ADAMTSL1: variants seen among roughly 807,000 people sequenced by gnomAD.
ADAMTSL1 encodes the protein ADAMTS-like protein 1.
Under a neutral mutation model 201.8 loss-of-function variants are expected in ADAMTSL1, and 126 were observed. The ratio of observed to expected loss-of-function variants is 0.62; its 90% confidence interval spans 0.54 to 0.72. The LOEUF (loss-of-function observed/expected upper bound fraction) is 0.72. Among genes scored for constraint, ADAMTSL1 ranks in the 30% least tolerant of loss-of-function variants. ADAMTSL1 has a pLI of 0.00. For missense variants in ADAMTSL1, 2,679 were observed against 2,277.8 expected, an observed-to-expected ratio of 1.18 and a Z score of -3.59; for synonymous variants, 1,121 against 903.4, an observed-to-expected ratio of 1.24 and a Z score of -4.32.
At chr9:18,875,813 T>C (rs939811973) in intron 23 of ADAMTSL1, among the ~76,000 whole-genome samples, 3 of 152,214 alleles carry the variant, frequency 2.0e-5, no homozygotes, top group African/African-American at 7.2e-5. Flanking sequence ...GTTGACTGTC[T>C]TGATGACCTG....
At chr9:18,287,603 A>AAGTATATATGTG (rs2132660601) in intron 2 of ADAMTSL1, among the ~76,000 whole-genome samples, 1 of 73,842 alleles carries the variant, frequency 1.4e-5, no homozygotes, top group South Asian at 7.6e-4. Flanking sequence ...ACACACATAT[A>AAGTATATATGTG]TGCATATATG....
At chr9:18,540,125 T>C (rs1284377854) in intron 3 of ADAMTSL1, among the ~76,000 whole-genome samples, 1 of 152,132 alleles carries the variant, frequency 6.6e-6, no homozygotes, top group Non-Finnish European at 1.5e-5. Context: ...GGAGAGTTAG[T>C]TTTCTGAAAA....
chr9:18,688,413 C>G (rs183739169), intron 13 of ADAMTSL1, among the ~76,000 whole-genome samples: 1 of 151,230 alleles, frequency 6.6e-6, no homozygotes, highest in African/African-American at 2.4e-5. Context: ...CAGGCATGAG[C>G]CACCACACCC....
intron 1 of ADAMTSL1, among the ~76,000 whole-genome samples, chr9:17,965,631 TAA>T (rs1450893976): frequency 1.3e-5 from 2 of 152,190 alleles, no homozygotes; most frequent in Non-Finnish European, 2.9e-5. Context: ...TCATACATGA[TAA>T]ATTGGGATAT....
chr9:18,379,224 A>G (rs1837440568), intron 2 of ADAMTSL1, among the ~76,000 whole-genome samples: 1 of 152,222 alleles, frequency 6.6e-6, no homozygotes, highest in South Asian at 2.1e-4. Flanking sequence ...ACTCATGCTA[A>G]ACGCCACATC....
chr9:18,897,291 C>T (rs1170882748), intron 26 of ADAMTSL1, among the ~76,000 whole-genome samples: 2 of 152,130 alleles, frequency 1.3e-5, no homozygotes, highest in Non-Finnish European at 2.9e-5. Flanking sequence ...CTTCCCAGGA[C>T]TGCCAGGAGA....
At chr9:17,956,803 G>A (rs1234351171) in intron 1 of ADAMTSL1, among the ~76,000 whole-genome samples, 6 of 152,156 alleles carry the variant, frequency 3.9e-5, no homozygotes, top group Non-Finnish European at 8.8e-5. Flanking sequence ...TTTGTTAATA[G>A]CAATTGTCTC....
At chr9:18,287,435 CATAT>C (rs1833036799) in intron 2 of ADAMTSL1, among the ~76,000 whole-genome samples, 1 of 151,136 alleles carries the variant, frequency 6.6e-6, no homozygotes, top group Non-Finnish European at 1.5e-5. Flanking sequence ...AATATTTCTA[CATAT>C]ATGTATGTGT....
At chr9:18,552,770 A>G (rs111913243) in intron 3 of ADAMTSL1, among the ~76,000 whole-genome samples, 1 of 151,664 alleles carries the variant, frequency 6.6e-6, no homozygotes, top group African/African-American at 2.4e-5. Flanking sequence ...TTCATAAGTT[A>G]GTGACTGTCT....
At chr9:18,471,458 A>T (rs1821207886), upstream of ADAMTSL1, among the ~76,000 whole-genome samples, 1 of 152,246 alleles carries the variant, frequency 6.6e-6, no homozygotes, top group East Asian at 1.9e-4. Flanking sequence ...CACAAAGGTC[A>T]AATGAGATCA....
intron 26 of ADAMTSL1, among the ~76,000 whole-genome samples, chr9:18,904,732 CTTTT>C (rs373922316): frequency 3.6e-5 from 2 of 55,246 alleles, no homozygotes; most frequent in African/African-American, 6.9e-5. Flanking sequence ...GTTAAGGGGG[CTTTT>C]TTTTTTTTTT....
intron 15 of ADAMTSL1, among the ~76,000 whole-genome samples, chr9:18,732,708 A>T (rs1818283143): frequency 1.3e-5 from 2 of 152,208 alleles, no homozygotes; most frequent in African/African-American, 4.8e-5. Context: ...GAAGGAAAGA[A>T]GGAACAAAGA....
chr9:18,536,097 CT>C (rs34164687), intron 3 of ADAMTSL1, among the ~76,000 whole-genome samples: 1 of 151,960 alleles, frequency 6.6e-6, no homozygotes, highest in South Asian at 2.1e-4. Context: ...TATTTTCTTG[CT>C]TTTAGTGATA....
chr9:18,553,712 C>A (rs1233964353), intron 3 of ADAMTSL1, among the ~76,000 whole-genome samples: 1 of 151,842 alleles, frequency 6.6e-6, no homozygotes, highest in African/African-American at 2.4e-5. Context: ...TCTACGTTGA[C>A]AGTTATCTTG....
At chr9:18,557,362 A>T (rs1821167738) in intron 3 of ADAMTSL1, among the ~76,000 whole-genome samples, 1 of 152,026 alleles carries the variant, frequency 6.6e-6, no homozygotes, top group African/African-American at 2.4e-5. Context: ...CTCAGGTGAG[A>T]ACCACTTCCA....
At chr9:18,180,107 C>A (rs1828385843) in intron 2 of ADAMTSL1, among the ~76,000 whole-genome samples, 1 of 152,158 alleles carries the variant, frequency 6.6e-6, no homozygotes, top group South Asian at 2.1e-4. Flanking sequence ...CAAGACCCAT[C>A]ACTGTGCTGT....
At chr9:18,030,051 A>G (rs7037252) in intron 1 of ADAMTSL1, among the ~76,000 whole-genome samples, 6,157 of 152,254 alleles carry the variant, frequency 0.04, 353 homozygotes, top group African/African-American at 0.13. Flanking sequence ...TACTGGGTAT[A>G]TACCCAAAGG....
chr9:18,324,404 C>T (rs993513436), intron 2 of ADAMTSL1, among the ~76,000 whole-genome samples: 7 of 134,280 alleles, frequency 5.2e-5, no homozygotes, highest in African/African-American at 2.1e-4. Context: ...AAACAGAATA[C>T]GCAAAGATTT....
At chr9:18,068,512 G>T (rs1373060643) in intron 1 of ADAMTSL1, among the ~76,000 whole-genome samples, 8 of 151,950 alleles carry the variant, frequency 5.3e-5, no homozygotes, top group African/African-American at 1.9e-4. Flanking sequence ...ATTCTCTGGG[G>T]TTCTAGAACC....
Sources: allele counts gnomAD v4.1 joint callset (sites outside exome capture counted in the v4.1 genomes callset), GRCh38; gene constraint gnomAD v4.1.1; transcripts MANE v1.5; gene names NCBI Gene and HGNC (gene_info 2026-07-23, HGNC 2026-07-21).